Variants in EHMT1 observed in about 807,000 individuals in gnomAD.
EHMT1 encodes the protein histone-lysine N-methyltransferase EHMT1.
A neutral mutation model predicts 147.2 loss-of-function variants in EHMT1; 15 were observed. The observed-to-expected ratio is 0.10, with a 90% CI of 0.07 to 0.16. The LOEUF (loss-of-function observed/expected upper bound fraction) is 0.16. EHMT1 is among the 10% of genes least tolerant of loss of function. The probability of loss-of-function intolerance (pLI) is 1.00; values close to 1 mark genes in which losing one functional copy is unlikely to be tolerated. For synonymous variants in EHMT1, 795 were observed against 709.6 expected (o/e 1.12, Z -1.91); for missense variants, 1,587 against 1,772.4 (o/e 0.90, Z 1.88).
intron 1 of EHMT1, among the ~76,000 whole-genome samples, chr9:137,694,948 G>A (rs924056792): frequency 2.6e-5 from 4 of 152,206 alleles, no homozygotes; most frequent in South Asian, 2.1e-4. Context: ...GCAAGTAGCC[G>A]TTTCCAGCTT....
intron 1 of EHMT1, among the ~76,000 whole-genome samples, chr9:137,650,557 T>G (rs1322774183): frequency 1.3e-5 from 2 of 152,204 alleles, no homozygotes; most frequent in Non-Finnish European, 2.9e-5. Context: ...TAGAAATGCC[T>G]GTTTATATCC....
intron 1 of EHMT1, among the ~76,000 whole-genome samples, chr9:137,657,353 G>C (rs1011358749): frequency 6.6e-6 from 1 of 152,118 alleles, no homozygotes; most frequent in Admixed American, 6.6e-5. Context: ...TGTCTTTCTC[G>C]TGGCAGTGTT....
intron 1 of EHMT1, chr9:137,637,708 G>GT (rs1429697157): frequency 1.3e-5 from 2 of 152,228 alleles, no homozygotes; most frequent in East Asian, 1.9e-4. Flanking sequence ...GTTGGGAAGT[G>GT]TATTTCCCTC....
chr9:137,776,915 T>G lies in EHMT1; in HGVS notation c.2018+71T>G. On this transcript the variant is annotated intron_variant, in intron 12 of 26. Coordinates refer to ENST00000460843, the MANE Select transcript of EHMT1 (RefSeq NM_024757.5). The surrounding 1 kb of genome is among the most constrained non-coding windows in gnomAD (Gnocchi z 4.4). ...AAAAGTTTCAGTTGTTAACTCAACG[T>G]TATTGCTTCCTGCTGTTTTTTCCAG... 7.0e-7 allele frequency: 1 copy of G among 1,429,080 alleles called. No individual in the cohort carries two copies. Among genetic ancestry groups the G allele is most frequent in the Non-Finnish European group, 9.7e-7 (1 of 1,030,924 alleles). The allele number at this position is 1,429,080 out of a possible 1,614,324, so 88.5% of individuals were successfully genotyped here.
chr9:137,671,288 A>AT (rs1360901910), intron 1 of EHMT1, among the ~76,000 whole-genome samples: 3 of 152,162 alleles, frequency 2.0e-5, no homozygotes, highest in Non-Finnish European at 2.9e-5. Flanking sequence ...ATTGCCAGTG[A>AT]TTTTGTATGT....
intron 3 of EHMT1, 78 bp from the exon 4 acceptor site, chr9:137,728,271 A>C: frequency 6.3e-7 from 1 of 1,581,616 alleles, no homozygotes; most frequent in Non-Finnish European, 8.7e-7. Flanking sequence ...GGGGAGAAGA[A>C]CTGTGATTTT....
Position 137,834,896 on chromosome 9 carries a change from G to A in EHMT1, c.3840G>A (p.Glu1280=). The A allele has an allele frequency of 6.2e-7, 1 of 1,604,268 alleles. No individual in the cohort carries two copies. Among genetic ancestry groups the A allele is most frequent in the Non-Finnish European group, 8.5e-7 (1 of 1,176,314 alleles). ...AGCGTCAGGCCAGCGCGGCCCAGGAGGCCCAGGAGGACGGCTTGCCCGACA... is the reference window on the plus strand; with the variant it reads ...AGCGTCAGGCCAGCGCGGCCCAGGAAGCCCAGGAGGACGGCTTGCCCGACA... ...LAQRQASAAQ[E]AQEDGLPDTS... is the part of the protein sequence containing the mutation. Residue 1280 remains glutamate (E), a synonymous_variant, in exon 27 of 27, where the codon GAG becomes GAA. Transcript: ENST00000460843.
intron 1 of EHMT1, among the ~76,000 whole-genome samples, chr9:137,661,802 A>AT (rs935349117): frequency 6.1e-5 from 9 of 148,692 alleles, no homozygotes; most frequent in East Asian, 4.0e-4. Flanking sequence ...AAAGAAATCT[A>AT]TTTTTTTTCT....
chr9:137,807,580 C>T (rs1954058724), intron 18 of EHMT1, among the ~76,000 whole-genome samples: 1 of 151,782 alleles, frequency 6.6e-6, no homozygotes, highest in African/African-American at 2.4e-5. Flanking sequence ...CAATCTTGGC[C>T]CATTGTAACC....
intron 16 of EHMT1, among the ~76,000 whole-genome samples, chr9:137,795,460 C>T (rs1952860731): frequency 6.6e-6 from 1 of 150,868 alleles, no homozygotes; most frequent in African/African-American, 2.4e-5. Flanking sequence ...CAGACACACA[C>T]ACATAAACAC....
chr9:137,809,491 G>T (rs1241736369), intron 18 of EHMT1, among the ~76,000 whole-genome samples: 2 of 152,200 alleles, frequency 1.3e-5, no homozygotes, highest in Non-Finnish European at 2.9e-5. Context: ...CCCCTGCAGG[G>T]GTCTGCCTTG....
At chr9:137,623,999 T>G (rs1243630559) in intron 1 of EHMT1, among the ~76,000 whole-genome samples, 1 of 143,428 alleles carries the variant, frequency 7.0e-6, no homozygotes, top group Non-Finnish European at 1.5e-5. Flanking sequence ...TTTCTTTCTT[T>G]CTTTTTTTTT....
chr9:137,691,390 C>G lies in EHMT1; in HGVS notation c.22-19577C>G, dbSNP rs573441428. Among the ~76,000 whole-genome samples the G allele has an allele frequency of 1.2e-4, 18 of 149,630 alleles. No individual in the cohort carries two copies. The East Asian group carries it at 3.5e-3, about 29-fold the overall frequency. On this transcript the variant is annotated intron_variant, in intron 1 of 26. Coordinates refer to ENST00000460843, the MANE Select transcript of EHMT1 (RefSeq NM_024757.5). ...ACAGAGTTTCTCTGTGTTGCCTAGT[C>G]TGGTCTCGAATTCCTGAGCTCAAGT... is the stretch of plus-strand genomic sequence containing the variant.
intron 1 of EHMT1, chr9:137,640,983 A>G (rs962845366): frequency 5.4e-5 from 10 of 184,994 alleles, no homozygotes; most frequent in Non-Finnish European, 8.8e-5. Context: ...GGAAGGTTCT[A>G]ATCCATGTGT....
At chr9:137,815,835 C>T (rs1954875579) in intron 22 of EHMT1, 112 bp from the exon 23 acceptor site, 4 of 926,292 alleles carry the variant, frequency 4.3e-6, no homozygotes. Flanking sequence ...CAGAAACCAT[C>T]GTTTTTATGT....
intron 1 of EHMT1, among the ~76,000 whole-genome samples, chr9:137,623,235 A>G (rs905953208): frequency 1.3e-5 from 2 of 151,684 alleles, no homozygotes; most frequent in Admixed American, 6.6e-5. Flanking sequence ...AAGAAAAAAA[A>G]GAATGCATGT....
intron 2 of EHMT1, among the ~76,000 whole-genome samples, chr9:137,713,135 C>T (rs1588302651): frequency 6.6e-6 from 1 of 152,100 alleles, no homozygotes. Flanking sequence ...ACAGGGTCTC[C>T]CTCTGTAATC....
intron 1 of EHMT1, among the ~76,000 whole-genome samples, chr9:137,670,361 C>T (rs1940432834): frequency 6.6e-6 from 1 of 152,132 alleles, no homozygotes; most frequent in African/African-American, 2.4e-5. Context: ...TGTCGGTAGC[C>T]TTCCTCCCTT....
At position 137,677,781 on chromosome 9, in the gene EHMT1, G is replaced by A. The variant is rs188805052; in HGVS notation, c.22-33186G>A. Among the ~76,000 whole-genome samples the A allele has an allele frequency of 5.3e-5, 8 of 152,162 alleles. No homozygotes were observed. In the East Asian group the frequency reaches 1.5e-3, roughly 29 times the overall value. On this transcript the variant is annotated intron_variant, in intron 1 of 26. Coordinates refer to ENST00000460843, the MANE Select transcript of EHMT1 (RefSeq NM_024757.5). ...TCTTAAAAAAATAGTATTGTCAGCC[G>A]AGCACGGTGGCTCACGCCTGTAATC...
Sources: allele counts gnomAD v4.1 joint callset (sites outside exome capture counted in the v4.1 genomes callset), GRCh38; gene constraint gnomAD v4.1.1; non-coding constraint Gnocchi (gnomAD v3.1); transcripts MANE v1.5; gene names NCBI Gene and HGNC (gene_info 2026-07-23, HGNC 2026-07-21).